INO80E: variants seen among roughly 807,000 people sequenced by gnomAD.
INO80E encodes coiled-coil domain containing 95.
INO80E carries 20 observed loss-of-function variants against 27.3 expected under a neutral mutation model. The ratio of observed to expected loss-of-function variants is 0.73; its 90% CI spans 0.51 to 1.06. The LOEUF (loss-of-function observed/expected upper bound fraction) is 1.06, where lower values mean the gene tolerates loss of function less well. Among genes scored for constraint, INO80E ranks in the 50% least tolerant of loss-of-function variants. The pLI, the probability that INO80E is intolerant of heterozygous loss-of-function variation, is 0.00. For missense variants in INO80E, 357 were observed against 322.8 expected (o/e 1.11, Z -0.81); for synonymous variants, 167 against 145.9 (o/e 1.14, Z -1.04).
At chr16:29,999,977 C>T (rs927845925) in intron 3 of INO80E, among the ~76,000 whole-genome samples, 2 of 152,066 alleles carry the variant, frequency 1.3e-5, no homozygotes, top group Non-Finnish European at 2.9e-5. Context: ...GAACAGGACC[C>T]TGGTTATGGG....
intron 3 of INO80E, among the ~76,000 whole-genome samples, chr16:29,997,917 C>G (rs2070196414): frequency 1.3e-5 from 2 of 151,816 alleles, no homozygotes; most frequent in Admixed American, 1.3e-4. Flanking sequence ...GAGACCCCAT[C>G]TCAATTAAAA....
At position 29,996,382 on chromosome 16, in the gene INO80E, C is replaced by T. The variant is rs2070112013; in HGVS notation, c.72C>T (p.Phe24=). ...KYRNLKRKLK[F]LIYEHECFQE... ...GGAATCTGAAGCGGAAGCTCAAGTT[C>T]CTCATCTACGTGAGTGCTGCCGCGG... The change falls in exon 1 of 7, where the codon TTC becomes TTT. Residue 24 remains phenylalanine, a synonymous_variant. Coordinates refer to ENST00000563197, the MANE Select transcript of INO80E (RefSeq NM_173618.3). 3 of 1,591,554 alleles carry T rather than the reference C, an allele frequency of 1.9e-6. No individual in the cohort carries two copies. Among genetic ancestry groups the T allele is most frequent in the African/African-American group, 2.7e-5 (2 of 74,582 alleles).
In INO80E at chr16:30,000,827, C is replaced by T. The variant is rs145500623; in HGVS notation, c.275C>T (p.Ala92Val). Residue 92 changes from alanine (A) to valine (V), a missense_variant, in exon 4 of 7, where the codon GCC (alanine) becomes GTC (valine). Physicochemically the swap from Ala to Val is moderately conservative, Grantham distance 64. Transcript: ENST00000563197. ...ACACCCAAGTTGTCTGACACACCGG[C>T]CCCTAAGAGGTGAGAAGAAGATGCA... ...EGTPKLSDTP[A>V]PKRKRSPPLG... 1.2e-6 allele frequency: 2 copies of T among 1,614,108 alleles called. No homozygotes were observed. The highest frequency in any genetic ancestry group is 1.7e-6 in the Non-Finnish European group (2 of 1,179,952).
In INO80E at chr16:30,001,002, C is replaced by T. The variant is rs148682647; in HGVS notation, c.358C>T (p.Leu120Phe). The change falls in exon 5 of 7, where the codon CTT becomes TTT. Residue 120 changes from leucine (L) to phenylalanine (F), a missense_variant. Physicochemically the swap from Leu to Phe is conservative, Grantham distance 22. Transcript: ENST00000563197. ...LSLPPSTGFP[L>F]QASGVPSPYL... ...CCTGCCTCCTTCAACAGGGTTTCCC[C>T]TTCAGGCCTCCGGGGTCCCCTCCCC... 4,278 of 1,554,520 alleles carry T rather than the reference C, an allele frequency of 2.8e-3. 14 individuals are homozygous for T. The highest frequency in any genetic ancestry group is 3.5e-3 in the Non-Finnish European group (3,997 of 1,149,124).
rs2070556644 is a variant in INO80E, at chr16:30,005,703, G to A, written c.*261G>A. On this transcript the variant is annotated 3_prime_UTR_variant, in exon 7 of 7. Coordinates refer to ENST00000563197, the MANE Select transcript of INO80E (RefSeq NM_173618.3). ...ATCTGCCACCTGCTGGGGAGGCAGAGACCCTGCAATGGCCACCTCTTTAAA... is the reference window on the plus strand; with the variant it reads ...ATCTGCCACCTGCTGGGGAGGCAGAAACCCTGCAATGGCCACCTCTTTAAA... 2 of 543,642 alleles carry A rather than the reference G, an allele frequency of 3.7e-6. No homozygotes were observed. Among genetic ancestry groups the A allele is most frequent in the Non-Finnish European group, 3.2e-6 (1 of 311,316 alleles). The allele number at this position is 543,642 out of a possible 1,614,324, so 33.7% of individuals were successfully genotyped here. A position where few individuals can be genotyped will look rare whatever the true frequency, so the allele number is the denominator to read the frequency against.
At chr16:30,001,733 G>A in intron 6 of INO80E, 1 of 548,654 alleles carries the variant, frequency 1.8e-6, no homozygotes, top group Non-Finnish European at 3.2e-6. Context: ...AGCCTTGGAG[G>A]ACCCGGTGTG....
At chr16:30,005,172 C>T in intron 6 of INO80E, 49 bp from the exon 7 acceptor site, 14 of 1,429,200 alleles carry the variant, frequency 9.8e-6, no homozygotes, top group Non-Finnish European at 1.3e-5. Flanking sequence ...CTCCTGAGGC[C>T]CCAGTGCCTC....
At chr16:29,996,737 G>C (rs2070134030) in intron 2 of INO80E, 71 bp from the exon 3 acceptor site, 2 of 1,596,470 alleles carry the variant, frequency 1.3e-6, no homozygotes, top group Non-Finnish European at 1.7e-6. Context: ...GGCCAGCTGG[G>C]AGGGACAGGT....
At position 29,996,269 on chromosome 16, in the gene INO80E, G is replaced by T. The variant is rs1401625515; in HGVS notation, c.-42G>T. ...AGCGGCACGGCAGCCACTGCTTGGGGTAGCGGGAGGGCAGACTCTGGGCGC... is the reference window on the plus strand; with the variant it reads ...AGCGGCACGGCAGCCACTGCTTGGGTTAGCGGGAGGGCAGACTCTGGGCGC... On this transcript the variant is annotated 5_prime_UTR_variant, in exon 1 of 7. Transcript: ENST00000563197. The T allele has an allele frequency of 3.2e-6, 5 of 1,548,150 alleles. No homozygotes were observed. Among genetic ancestry groups the T allele is most frequent in the Non-Finnish European group, 4.4e-6 (5 of 1,142,816 alleles).
In INO80E at chr16:29,996,530, C is replaced by T. The variant is rs1371348494; in HGVS notation, c.82-17C>T. On this transcript the variant is annotated splice_polypyrimidine_tract_variant and intron_variant, in intron 1 of 6. Coordinates refer to ENST00000563197, the MANE Select transcript of INO80E (RefSeq NM_173618.3). ...CGGAGGACCGTTGGCCCAGCGCACC[C>T]CTTGCCCGTGATACAGGAGCACGAG... 2 of 1,558,998 alleles carry T rather than the reference C, an allele frequency of 1.3e-6. No individual in the cohort carries two copies. Among genetic ancestry groups the T allele is most frequent in the Admixed American group, 1.9e-5 (1 of 51,606 alleles).
Position 29,996,248 on chromosome 16 carries a change from G to A in INO80E, c.-63G>A, listed in dbSNP as rs756270119. Reference sequence around the variant, plus strand: ...GTCTCCGGAAGTGGAGGCGGGAGCGGCACGGCAGCCACTGCTTGGGGTAGC... The same window carrying A: ...GTCTCCGGAAGTGGAGGCGGGAGCGACACGGCAGCCACTGCTTGGGGTAGC... On this transcript the variant is annotated 5_prime_UTR_variant, in exon 1 of 7. Transcript: ENST00000563197. 3 of 1,480,994 alleles carry A rather than the reference G, an allele frequency of 2.0e-6. No individual in the cohort carries two copies. The highest frequency in any genetic ancestry group is 4.9e-5 in the East Asian group (2 of 40,742). The allele number at this position is 1,480,994 out of a possible 1,614,324, so 91.7% of individuals were successfully genotyped here.
rs1306832253 is a variant in INO80E, at chr16:30,005,421, G to C, written c.714G>C (p.Leu238=). 2 of 1,602,676 alleles carry C rather than the reference G, an allele frequency of 1.2e-6. No homozygotes were observed. The highest frequency in any genetic ancestry group is 1.7e-6 in the Non-Finnish European group (2 of 1,175,212). ...ATGCCTTGGATGGAGACGATGACCT[G>C]GTGATCGACATCCCGGAGTGACCGT... The part of the protein sequence containing the change: ...GDDALDGDDD[L]VIDIPE Residue 238 remains leucine (L), a synonymous_variant, in exon 7 of 7, where the codon CTG becomes CTC. Transcript: ENST00000563197.
rs2070341929 is a variant in INO80E at position 30,001,282 on chromosome 16, G to GCTCGGGAGC, written c.397-130_397-122dup. On this transcript the variant is annotated intron_variant, in intron 5 of 6. Transcript: ENST00000563197. ...TCCTGCTGCTGCCCGGCCCTTCTGT[G>GCTCGGGAGC]CTCGGGAGCCCCGGGAGCCGCACTC... The GCTCGGGAGC allele has an allele frequency of 6.7e-6, 10 of 1,492,590 alleles. No homozygotes were observed. In the South Asian group the frequency reaches 1.3e-4, roughly 20 times the overall value. 92.5% of individuals were successfully genotyped at this position (1,492,590 alleles called of 1,614,324 possible).
At position 30,005,680 on chromosome 16, in the gene INO80E, C is replaced by G; in HGVS notation, c.*238C>G. The G allele has an allele frequency of 1.8e-6, 1 of 556,044 alleles. No homozygotes were observed. Among genetic ancestry groups the G allele is most frequent in the South Asian group, 2.4e-5 (1 of 41,996 alleles). 34.4% of individuals were successfully genotyped at this position (556,044 alleles called of 1,614,324 possible). A position where few individuals can be genotyped will look rare whatever the true frequency, so the allele number is the denominator to read the frequency against. On this transcript the variant is annotated 3_prime_UTR_variant, in exon 7 of 7. Transcript: ENST00000563197. Reference sequence around the variant, plus strand: ...TATTTAAACGAGTGGCCGGGAGCATCTGCCACCTGCTGGGGAGGCAGAGAC... The same window carrying G: ...TATTTAAACGAGTGGCCGGGAGCATGTGCCACCTGCTGGGGAGGCAGAGAC...
In INO80E at chr16:29,996,792, C is replaced by G; in HGVS notation, c.153-16C>G. 1 of 1,613,894 alleles carries G rather than the reference C, an allele frequency of 6.2e-7. No homozygotes were observed. On this transcript the variant is annotated splice_polypyrimidine_tract_variant and intron_variant, in intron 2 of 6. Coordinates refer to ENST00000563197, the MANE Select transcript of INO80E (RefSeq NM_173618.3). Reference sequence around the variant, plus strand: ...CGCTGGAAAATCACTGTCCGTGTCTCCTTCCCTCCCCTCAGTTTCCTCCTA... The same window carrying G: ...CGCTGGAAAATCACTGTCCGTGTCTGCTTCCCTCCCCTCAGTTTCCTCCTA...
Position 30,004,235 on chromosome 16 carries a change from G to A in INO80E, c.514-986G>A, listed in dbSNP as rs80154727. On this transcript the variant is annotated intron_variant, in intron 6 of 6. Coordinates refer to ENST00000563197, the MANE Select transcript of INO80E (RefSeq NM_173618.3). ...CTCTGCTGGCACGTGACTTCTCCCC[G>A]TTTCCCGCCCCCCAGTGTCCTGAGG... 6.4e-3 allele frequency: 977 copies of A among 152,494 alleles called. 3 individuals are homozygous for A. Among genetic ancestry groups the A allele is most frequent in the Non-Finnish European group, 0.011 (758 of 68,170 alleles). The allele number at this position is 152,494 out of a possible 1,614,324, so 9.4% of individuals were successfully genotyped here. A position where few individuals can be genotyped will look rare whatever the true frequency, so the allele number is the denominator to read the frequency against.
Position 30,001,460 on chromosome 16 carries a change from T to A in INO80E, c.443T>A (p.Leu148Gln). ...YPPFPSDYLA[L>Q]QLPEPSPLRP... ...CCATTCCCTTCTGACTACCTGGCCC[T>A]GCAGCTGCCCGAGCCCAGTCCCCTG... Residue 148 changes from leucine to glutamine, a missense_variant, in exon 6 of 7, where the codon CTG becomes CAG. By Grantham distance (113) the Leu-to-Gln change is moderately radical (BLOSUM62 -2). Transcript: ENST00000563197. The A allele has an allele frequency of 6.2e-7, 1 of 1,612,658 alleles. No homozygotes were observed. The highest frequency in any genetic ancestry group is 1.3e-5 in the African/African-American group (1 of 74,948).
chr16:29,996,729 C>T, intron 2 of INO80E, 79 bp from the exon 3 acceptor site: 5 of 1,590,604 alleles, frequency 3.1e-6, no homozygotes, highest in Non-Finnish European at 4.3e-6. Context: ...ATCCGATGGG[C>T]CAGCTGGGAG....
At chr16:30,001,207 T>C (rs1325696363) in intron 5 of INO80E, 167 bp downstream of exon 5, 2 of 1,482,212 alleles carry the variant, frequency 1.3e-6, no homozygotes, top group Non-Finnish European at 1.8e-6. Flanking sequence ...TTCTCTCTGG[T>C]ATAGGAACGG....
Sources: gnomAD v4.1 joint callset for allele counts (sites outside exome capture counted in the v4.1 genomes callset) on GRCh38, gnomAD v4.1.1 for gene constraint, MANE v1.5 for transcripts, NCBI Gene and HGNC (gene_info 2026-07-23, HGNC 2026-07-21) for gene names.